TET2: variants seen among roughly 807,000 people sequenced by gnomAD.
TET2 encodes the protein methylcytosine dioxygenase TET2.
Under a neutral mutation model 142.9 loss-of-function variants are expected in TET2, and 299 were observed. The ratio of observed to expected loss-of-function variants is 2.09; its 90% CI spans 1.90 to 2.30. The LOEUF is 2.30. Ranked by LOEUF, TET2 falls within the 30% of genes most tolerant of loss-of-function variation. The pLI, the probability that TET2 is intolerant of heterozygous loss-of-function variation, is 0.00. For missense variants in TET2, 2,418 were observed against 2,378.0 expected (o/e 1.02, Z -0.35); for synonymous variants, 819 against 849.0 (o/e 0.96, Z 0.61).
intron 2 of TET2, among the ~76,000 whole-genome samples, chr4:105,210,748 G>C (rs1727110141): frequency 6.6e-6 from 1 of 152,052 alleles, no homozygotes; most frequent in Non-Finnish European, 1.5e-5. Context: ...AAGTTGTTCT[G>C]TTTCTGCCTT....
chr4:105,173,195 G>T (rs1363768159), intron 1 of TET2, among the ~76,000 whole-genome samples: 1 of 152,018 alleles, frequency 6.6e-6, no homozygotes, highest in African/African-American at 2.4e-5. Context: ...ATTTCCATCT[G>T]CTGTGTGCCA....
At chr4:105,202,328 C>CT (rs373239371) in intron 2 of TET2, 58 of 152,150 alleles carry the variant, frequency 3.8e-4, no homozygotes, top group African/African-American at 1.3e-3. Flanking sequence ...AATTAGTTCT[C>CT]TTTTTTTCTA....
At chr4:105,271,424 T>C (rs769825951) in intron 9 of TET2, among the ~76,000 whole-genome samples, 1 of 151,102 alleles carries the variant, frequency 6.6e-6, no homozygotes, top group Non-Finnish European at 1.5e-5. Context: ...AGTAAGATGA[T>C]GAGAAGGATG....
chr4:105,166,832 T>C (rs1424341427), intron 1 of TET2, among the ~76,000 whole-genome samples: 2 of 152,098 alleles, frequency 1.3e-5, no homozygotes, highest in Non-Finnish European at 2.9e-5. Context: ...TCTGATTCTG[T>C]CTTTTTTAGA....
chr4:105,253,210 T>C (rs1410291712), intron 6 of TET2, among the ~76,000 whole-genome samples: 1 of 152,140 alleles, frequency 6.6e-6, no homozygotes, highest in Non-Finnish European at 1.5e-5. Context: ...TAAAATTACT[T>C]TGTCAGTATC....
intron 1 of TET2, among the ~76,000 whole-genome samples, chr4:105,153,553 C>T (rs1392322176): frequency 2.6e-5 from 4 of 152,040 alleles, no homozygotes; most frequent in African/African-American, 4.8e-5. Context: ...CAGTGTAAGT[C>T]GATGTCATTT....
chr4:105,252,799 A>G (rs1206062823), intron 6 of TET2, among the ~76,000 whole-genome samples: 2 of 152,110 alleles, frequency 1.3e-5, no homozygotes, highest in Non-Finnish European at 2.9e-5. Flanking sequence ...CCCATTTTGC[A>G]TTAATTTTGC....
intron 1 of TET2, among the ~76,000 whole-genome samples, chr4:105,186,400 A>ATT (rs140425479): frequency 0.04 from 5,928 of 149,342 alleles, 402 homozygotes; most frequent in African/African-American, 0.14. Context: ...CTTCTAAGTG[A>ATT]TTTTTTTATA....
chr4:105,208,751 G>C (rs534863814), intron 2 of TET2, among the ~76,000 whole-genome samples: 1 of 151,874 alleles, frequency 6.6e-6, no homozygotes, highest in Non-Finnish European at 1.5e-5. Flanking sequence ...TTAATTTAGC[G>C]TGAATTCTGT....
intron 9 of TET2, among the ~76,000 whole-genome samples, chr4:105,271,521 G>A (rs1379296487): frequency 6.6e-6 from 1 of 152,158 alleles, no homozygotes; most frequent in Non-Finnish European, 1.5e-5. Flanking sequence ...ACTGAATAGG[G>A]TTAAATATGT....
In TET2 at chr4:105,235,390, A is replaced by C; in HGVS notation, c.1448A>C (p.Asn483Thr). The C allele has an allele frequency of 9.3e-6, 15 of 1,614,196 alleles. No individual in the cohort carries two copies. The highest frequency in any genetic ancestry group is 1.3e-5 in the Non-Finnish European group (15 of 1,180,022). Residue 483 changes from asparagine to threonine, a missense_variant, in exon 3 of 11, where the codon AAT (asparagine) becomes ACT (threonine). Transcript: ENST00000380013. ...SPMLSERPQNNCVNRNDIQTA... is the reference protein window; with the variant it reads ...SPMLSERPQNTCVNRNDIQTA... Reference sequence around the variant, plus strand: ...ATGCTTTCTGAAAGGCCTCAGAATAATTGTGTGAACAGGAATGACATACAG... The same window carrying C: ...ATGCTTTCTGAAAGGCCTCAGAATACTTGTGTGAACAGGAATGACATACAG...
At chr4:105,260,719 C>G (rs1318786313) in intron 7 of TET2, among the ~76,000 whole-genome samples, 2 of 152,010 alleles carry the variant, frequency 1.3e-5, no homozygotes, top group African/African-American at 2.4e-5. Context: ...GTTAATAAAG[C>G]AAGTGCAAAA....
At position 105,241,356 on chromosome 4, in the gene TET2, G is replaced by A. The variant is rs2110248663; in HGVS notation, c.3427G>A (p.Asp1143Asn). The A allele has an allele frequency of 6.5e-7, 1 of 1,547,126 alleles. No homozygotes were observed. The highest frequency in any genetic ancestry group is 8.7e-7 in the Non-Finnish European group (1 of 1,145,354). The change falls in exon 4 of 11, where the codon GAT becomes AAT. Residue 1143 changes from aspartate to asparagine, a missense_variant. Coordinates refer to ENST00000380013, the MANE Select transcript of TET2 (RefSeq NM_001127208.3). The part of the protein sequence containing the change: ...CRCVEQIIEK[D>N]EGPFYTHLGA... Reference sequence around the variant, plus strand: ...CTCAACAGAGCAAATTATTGAAAAAGATGAAGGTCCTTTTTATACCCATCT... The same window carrying A: ...CTCAACAGAGCAAATTATTGAAAAAAATGAAGGTCCTTTTTATACCCATCT...
chr4:105,259,836 GA>G, intron 7 of TET2, 67 bp downstream of exon 7: 1 of 1,450,798 alleles, frequency 6.9e-7, no homozygotes, highest in Non-Finnish European at 9.3e-7. Context: ...TAGATGAAGT[GA>G]ACAATATGAC....
rs1326263961 is a variant in TET2, at chr4:105,276,026, G to T, written c.5516G>T (p.Gly1839Val). Residue 1839 changes from glycine to valine, a missense_variant, in exon 11 of 11, where the codon GGT becomes GTT. Gly to Val is a moderately radical substitution (Grantham distance 109, BLOSUM62 -3). Coordinates refer to ENST00000380013, the MANE Select transcript of TET2 (RefSeq NM_001127208.3). ...GCACTAGTCCAGGGTGTGGCTTCTG[G>T]TGCAGAGGACAACGATGAGGTCTGG... ...PLALVQGVAS[G>V]AEDNDEVWSD... 4 of 1,551,562 alleles carry T rather than the reference G, an allele frequency of 2.6e-6. No homozygotes were observed. The Admixed American group carries it at 7.8e-5, about 30-fold the overall frequency.
intron 2 of TET2, among the ~76,000 whole-genome samples, chr4:105,194,374 TTTTCAG>T (rs1217663070): frequency 6.6e-6 from 1 of 152,166 alleles, no homozygotes; most frequent in African/African-American, 2.4e-5. Flanking sequence ...TCTTTTTATC[TTTTCAG>T]TAGTATAAGG....
chr4:105,192,831 G>C (rs1725863739), intron 2 of TET2, among the ~76,000 whole-genome samples: 1 of 152,088 alleles, frequency 6.6e-6, no homozygotes, highest in Non-Finnish European at 1.5e-5. Flanking sequence ...TTGAGTGGCA[G>C]GGTTAGGTAG....
intron 8 of TET2, among the ~76,000 whole-genome samples, chr4:105,269,364 T>G (rs1730837726): frequency 6.6e-6 from 1 of 152,176 alleles, no homozygotes; most frequent in African/African-American, 2.4e-5. Context: ...ATGTACTTTA[T>G]TTTGGTTGTG....
intron 1 of TET2, among the ~76,000 whole-genome samples, chr4:105,188,853 G>GA (rs1244600767): frequency 2.0e-5 from 3 of 152,254 alleles, no homozygotes; most frequent in African/African-American, 7.2e-5. Flanking sequence ...CCCGGGGGAG[G>GA]AATGAATGAA....
Sources: gnomAD v4.1 joint callset for allele counts (sites outside exome capture counted in the v4.1 genomes callset) on GRCh38, gnomAD v4.1.1 for gene constraint, MANE v1.5 for transcripts, NCBI Gene and HGNC (gene_info 2026-07-23, HGNC 2026-07-21) for gene names.